NPPA: variants seen among roughly 807,000 people sequenced by gnomAD.
The protein encoded by NPPA is natriuretic peptide A.
In NPPA, 10 loss-of-function variants were observed where a neutral mutation model predicts 12.2. That is an observed-to-expected ratio of 0.82 (90% CI 0.50 to 1.38). NPPA has a LOEUF of 1.38. Among genes scored for constraint, NPPA ranks in the 40% most tolerant of loss-of-function variants. The pLI is 0.00. For synonymous variants in NPPA, 85 were observed against 80.2 expected (o/e 1.06, Z -0.32); for missense variants, 207 against 193.5 (o/e 1.07, Z -0.41).
chr1:11,847,152 C>A lies in NPPA; in HGVS notation c.411G>T (p.Arg137Ser). The change falls in exon 2 of 3, where the codon AGG (arginine) becomes AGT (serine). Residue 137 changes from arginine to serine, a missense_variant. Coordinates refer to ENST00000376480, the MANE Select transcript of NPPA (RefSeq NM_006172.4). ...RSSCFGGRMD[R>S]IGAQSGLGCN... ...AGCCCAGTCCGCTCTGGGCTCCAAT[C>A]CTGTCCATCCTGCCCCCGAAGCAGC... The A allele has an allele frequency of 1.3e-6, 2 of 1,574,502 alleles. No individual in the cohort carries two copies. The highest frequency in any genetic ancestry group is 1.7e-6 in the Non-Finnish European group (2 of 1,158,230).
intron 1 of NPPA, 60 bp from the exon 2 acceptor site, chr1:11,847,499 A>T (rs956268536): frequency 6.2e-7 from 1 of 1,613,968 alleles, no homozygotes; most frequent in Non-Finnish European, 8.5e-7. Flanking sequence ...GGAAATCAAG[A>T]GGAGTGAGCA....
In NPPA at chr1:11,847,096, T is replaced by C. The variant is rs752973873; in HGVS notation, c.450+17A>G. The stretch of plus-strand genomic sequence containing the variant: ...TAGTGTCCATCCCATCCCATTTCCA[T>C]CCCCAGTTCCTCTTACCCGGAAGCT... On this transcript the variant is annotated intron_variant, in intron 2 of 2. Transcript: ENST00000376480. 4 of 1,517,836 alleles carry C rather than the reference T, an allele frequency of 2.6e-6. No individual in the cohort carries two copies. The allele number at this position is 1,517,836 out of a possible 1,614,324, so 94.0% of individuals were successfully genotyped here. A position where few individuals can be genotyped will look rare whatever the true frequency, so the allele number is the denominator to read the frequency against.
intron 2 of NPPA, 146 bp from the exon 3 acceptor site, chr1:11,846,160 A>G (rs969250546): frequency 1.2e-6 from 1 of 803,698 alleles, no homozygotes; most frequent in Admixed American, 1.7e-5. Context: ...TGACCCTCTG[A>G]GCTTCATGAA....
In NPPA at chr1:11,845,878, G is replaced by T. The variant is rs1570550889; in HGVS notation, c.*131C>A. ...ATGTGAGAAGTGTTGACAGGAAGCT[G>T]CAGCTTAGATGGGATGATCACAACT... On this transcript the variant is annotated 3_prime_UTR_variant, in exon 3 of 3. Transcript: ENST00000376480. 7 of 903,152 alleles carry T rather than the reference G, an allele frequency of 7.8e-6. No homozygotes were observed. In the East Asian group the frequency reaches 1.4e-4, roughly 19 times the overall value. The allele number at this position is 903,152 out of a possible 1,614,324, so 55.9% of individuals were successfully genotyped here.
In NPPA at chr1:11,845,971, C is replaced by T. The variant is rs759323115; in HGVS notation, c.*38G>A. ...GACAGGAGCCTCTTGCAGTCTGTCC[C>T]TAGGCCCAGCCCTGCTTGTCCTCCC... On this transcript the variant is annotated 3_prime_UTR_variant, in exon 3 of 3. Transcript: ENST00000376480. 7 of 1,611,104 alleles carry T rather than the reference C, an allele frequency of 4.3e-6. No homozygotes were observed. Among genetic ancestry groups the T allele is most frequent in the East Asian group, 4.5e-5 (2 of 44,886 alleles).
Position 11,847,743 on chromosome 1 carries a change from TCTCTGGTTCCC to T in NPPA, c.-70_-60del, listed in dbSNP as rs1645080237. 1 of 1,612,298 alleles carries T rather than the reference TCTCTGGTTCCC, an allele frequency of 6.2e-7. No individual in the cohort carries two copies. Among genetic ancestry groups the T allele is most frequent in the Admixed American group, 1.7e-5 (1 of 60,018 alleles). Reference sequence around the variant, plus strand: ...TGCTCTGTCTCTCCCCTCTGGTTCCTCTCTGGTTCCCCTCTCTTGGCCTACGTCTGTCCCTG... The same window carrying T: ...TGCTCTGTCTCTCCCCTCTGGTTCCTCTCTCTTGGCCTACGTCTGTCCCTG... On this transcript the variant is annotated 5_prime_UTR_variant, in exon 1 of 3. Coordinates refer to ENST00000376480, the MANE Select transcript of NPPA (RefSeq NM_006172.4).
chr1:11,846,947 A>C (rs1307549757), intron 2 of NPPA, among the ~76,000 whole-genome samples, 166 bp downstream of exon 2: 1 of 139,572 alleles, frequency 7.2e-6, no homozygotes, highest in Non-Finnish European at 1.5e-5. Context: ...TTTTCTCAGC[A>C]GACTAGCTAA....
In NPPA at chr1:11,847,164, G is replaced by A. The variant is rs1570552041; in HGVS notation, c.399C>T (p.Gly133=). 6.3e-7 allele frequency: 1 copy of A among 1,585,788 alleles called. No homozygotes were observed. Among genetic ancestry groups the A allele is most frequent in the Non-Finnish European group, 8.6e-7 (1 of 1,162,914 alleles). Residue 133 remains glycine, a synonymous_variant, in exon 2 of 3, where the codon GGC becomes GGT. Transcript: ENST00000376480. ...TCTGGGCTCCAATCCTGTCCATCCTGCCCCCGAAGCAGCTGGATCTCCGCA... is the reference window on the plus strand; with the variant it reads ...TCTGGGCTCCAATCCTGTCCATCCTACCCCCGAAGCAGCTGGATCTCCGCA... The part of the protein sequence containing the change: ...RSLRRSSCFG[G]RMDRIGAQSG...
intron 2 of NPPA, among the ~76,000 whole-genome samples, chr1:11,846,635 T>TTTTTTTTTTTG (rs1557442339): frequency 6.9e-6 from 1 of 144,406 alleles, no homozygotes; most frequent in Non-Finnish European, 1.5e-5. Context: ...TTTTTTTTTT[T>TTTTTTTTTTTG]GAGACAGTCT....
In NPPA at chr1:11,847,309, C is replaced by T; in HGVS notation, c.254G>A (p.Gly85Glu). The stretch of plus-strand genomic sequence containing the variant: ...ATCTCTCTGGGCTGGGCTGACTTCC[C>T]CGGTCCAGGGAGGCACCTCAGGGAG... ...SPLPEVPPWT[G>E]EVSPAQRDGG... Residue 85 changes from glycine (G) to glutamate (E), a missense_variant, in exon 2 of 3, where the codon GGG becomes GAG. Coordinates refer to ENST00000376480, the MANE Select transcript of NPPA (RefSeq NM_006172.4). The T allele has an allele frequency of 1.2e-6, 2 of 1,613,612 alleles. No individual in the cohort carries two copies. The highest frequency in any genetic ancestry group is 1.7e-6 in the Non-Finnish European group (2 of 1,179,742).
Position 11,847,576 on chromosome 1 carries a change from G to T in NPPA, c.109C>A (p.Leu37Met). 1 of 1,614,162 alleles carries T rather than the reference G, an allele frequency of 6.2e-7. No individual in the cohort carries two copies. Among genetic ancestry groups the T allele is most frequent in the South Asian group, 1.1e-5 (1 of 91,082 alleles). Residue 37 changes from leucine to methionine, a missense_variant, in exon 1 of 3, where the codon CTG (leucine) becomes ATG (methionine). By Grantham distance (15) the Leu-to-Met change is conservative. Transcript: ENST00000376480. ...CCTGGCCCTACCTTGAAATCCATCA[G>T]GTCTGCGTTGGACACGGCATTGTAC... Reference protein sequence around the residue: ...PMYNAVSNADLMDFKNLLDHL... With the variant: ...PMYNAVSNADMMDFKNLLDHL...
Position 11,847,357 on chromosome 1 carries a change from T to G in NPPA, c.206A>C (p.Glu69Ala), listed in dbSNP as rs376184349. 1.3e-5 allele frequency: 21 copies of G among 1,613,720 alleles called. No individual in the cohort carries two copies. Among genetic ancestry groups the G allele is most frequent in the Middle Eastern group, 1.6e-4 (1 of 6,082 alleles). ...PPQVLSEPNEEAGAALSPLPE... is the reference protein window; with the variant it reads ...PPQVLSEPNEAAGAALSPLPE... ...GAGGGGGCTGAGAGCAGCCCCCGCT[T>G]CTTCATTCGGCTCACTGAGCACTTG... Residue 69 changes from glutamate (E) to alanine (A), a missense_variant, in exon 2 of 3, where the codon GAA (glutamate) becomes GCA (alanine). Glu to Ala is a moderately radical substitution (Grantham distance 107, BLOSUM62 -1). Transcript: ENST00000376480.
chr1:11,847,662 G>T lies in NPPA; in HGVS notation c.23C>A (p.Thr8Asn). 1 of 1,614,114 alleles carries T rather than the reference G, an allele frequency of 6.2e-7. No individual in the cohort carries two copies. The highest frequency in any genetic ancestry group is 8.5e-7 in the Non-Finnish European group (1 of 1,180,038). ...TGCCAGTAAAAGGAGGAAGCTCACG[G>T]TGGTGGTGGAGAAGGAGCTCATGCT... MSSFSTT[T>N]VSFLLLLAFQ... The change falls in exon 1 of 3, where the codon ACC (threonine) becomes AAC (asparagine). Residue 8 changes from threonine (T) to asparagine (N), a missense_variant. By Grantham distance (65) the Thr-to-Asn change is moderately conservative (BLOSUM62 0). Coordinates refer to ENST00000376480, the MANE Select transcript of NPPA (RefSeq NM_006172.4).
In NPPA at chr1:11,847,398, ATCT is replaced by A; in HGVS notation, c.162_164del (p.Glu54del). 1 of 1,614,100 alleles carries A rather than the reference ATCT, an allele frequency of 6.2e-7. No individual in the cohort carries two copies. Among genetic ancestry groups the A allele is most frequent in the Non-Finnish European group, 8.5e-7 (1 of 1,180,016 alleles). ...TGAGCACTTGTGGGGGCACGACCTC[ATCT>A]TCTAAAGGCATCTTTTCTTCCAAAT... On this transcript the variant is annotated inframe_deletion, in exon 2 of 3. Coordinates refer to ENST00000376480, the MANE Select transcript of NPPA (RefSeq NM_006172.4).
intron 2 of NPPA, 101 bp from the exon 3 acceptor site, chr1:11,846,115 C>T: frequency 1.4e-5 from 16 of 1,178,964 alleles, no homozygotes; most frequent in Non-Finnish European, 1.9e-5. Flanking sequence ...TGATTACTGA[C>T]CACCTGCTTC....
Position 11,845,899 on chromosome 1 carries a change from C to T in NPPA, c.*110G>A. On this transcript the variant is annotated 3_prime_UTR_variant, in exon 3 of 3. Coordinates refer to ENST00000376480, the MANE Select transcript of NPPA (RefSeq NM_006172.4). ...AGCTGCAGCTTAGATGGGATGATCA[C>T]AACTCCATGGCAACAAGATGACACA... 1 of 1,083,332 alleles carries T rather than the reference C, an allele frequency of 9.2e-7. No homozygotes were observed. The highest frequency in any genetic ancestry group is 1.2e-5 in the South Asian group (1 of 80,454). The allele number at this position is 1,083,332 out of a possible 1,614,324, so 67.1% of individuals were successfully genotyped here.
Position 11,847,071 on chromosome 1 carries a change from T to C in NPPA, c.450+42A>G, listed in dbSNP as rs201246433. 42 of 1,494,226 alleles carry C rather than the reference T, an allele frequency of 2.8e-5. No homozygotes were observed. In the East Asian group the frequency reaches 8.4e-4, roughly 30 times the overall value. The allele number at this position is 1,494,226 out of a possible 1,614,324, so 92.6% of individuals were successfully genotyped here. On this transcript the variant is annotated intron_variant, in intron 2 of 2. Coordinates refer to ENST00000376480, the MANE Select transcript of NPPA (RefSeq NM_006172.4). ...CTTTCCTGCTGAAGGTGTCTCCCAG[T>C]AGTGTCCATCCCATCCCATTTCCAT...
chr1:11,847,605 G>C lies in NPPA; in HGVS notation c.80C>G (p.Pro27Arg), dbSNP rs746272754. 1.9e-6 allele frequency: 3 copies of C among 1,614,098 alleles called. No individual in the cohort carries two copies. In the South Asian group the frequency reaches 3.3e-5, roughly 18 times the overall value. The change falls in exon 1 of 3, where the codon CCC becomes CGC. Residue 27 changes from proline to arginine, a missense_variant. Pro to Arg is a moderately radical substitution (Grantham distance 103, BLOSUM62 -2). Coordinates refer to ENST00000376480, the MANE Select transcript of NPPA (RefSeq NM_006172.4). ...TGCGTTGGACACGGCATTGTACATG[G>C]GATTAGCTCTGGTCTGACCTAGGAG... ...FQLLGQTRAN[P>R]MYNAVSNADL...
rs1486033001 is a variant in NPPA, at chr1:11,847,109, T to G, written c.450+4A>C. ...ATCCCATTTCCATCCCCAGTTCCTC[T>G]TACCCGGAAGCTGTTACAGCCCAGT... On this transcript the variant is annotated splice_donor_region_variant and intron_variant, in intron 2 of 2. Transcript: ENST00000376480. 6.6e-7 allele frequency: 1 copy of G among 1,525,902 alleles called. No individual in the cohort carries two copies. Among genetic ancestry groups the G allele is most frequent in the South Asian group, 1.3e-5 (1 of 76,690 alleles). The allele number at this position is 1,525,902 out of a possible 1,614,324, so 94.5% of individuals were successfully genotyped here.
Sources: allele counts gnomAD v4.1 joint callset (sites outside exome capture counted in the v4.1 genomes callset), GRCh38; gene constraint gnomAD v4.1.1; transcripts MANE v1.5; gene names NCBI Gene and HGNC (gene_info 2026-07-23, HGNC 2026-07-21).